Variants in KIF13A observed in about 807,000 individuals in gnomAD.
KIF13A encodes kinesin-like protein KIF13A.
KIF13A carries 79 observed loss-of-function variants against 212.2 expected under a neutral mutation model. That is an observed-to-expected ratio of 0.37 (90% CI 0.31 to 0.45). KIF13A has a LOEUF of 0.45. KIF13A is among the 20% of genes least tolerant of loss of function. KIF13A has a pLI of 1.00. For synonymous variants in KIF13A, 789 were observed against 808.6 expected (o/e 0.98, Z 0.41); for missense variants, 1,901 against 2,209.0 (o/e 0.86, Z 2.79).
At chr6:17,909,373 T>C (rs986373519) in intron 2 of KIF13A, among the ~76,000 whole-genome samples, 1 of 150,690 alleles carries the variant, frequency 6.6e-6, no homozygotes, top group South Asian at 2.1e-4. Flanking sequence ...CTGTCTCTAC[T>C]TAAAATACAA....
At chr6:17,781,743 C>T (rs769591047) in intron 29 of KIF13A, among the ~76,000 whole-genome samples, 3 of 151,362 alleles carry the variant, frequency 2.0e-5, no homozygotes, top group Non-Finnish European at 2.9e-5. Flanking sequence ...CCTCCCACCT[C>T]AGCCTCCTGA....
chr6:17,979,431 T>G (rs1780864363), intron 2 of KIF13A, among the ~76,000 whole-genome samples: 1 of 152,204 alleles, frequency 6.6e-6, no homozygotes, highest in Admixed American at 6.5e-5. Flanking sequence ...CTTTTATTGT[T>G]GGAAGTTCAA....
chr6:17,763,489 AAAAAAAG>A (rs1561941179), downstream of KIF13A, among the ~76,000 whole-genome samples: 4 of 145,572 alleles, frequency 2.7e-5, no homozygotes, highest in African/African-American at 1.1e-4. Flanking sequence ...AAAAAAAAAA[AAAAAAAG>A]AAAAAAGAAA....
chr6:17,962,199 T>A (rs1778874927), intron 2 of KIF13A, among the ~76,000 whole-genome samples: 1 of 151,960 alleles, frequency 6.6e-6, no homozygotes, highest in Non-Finnish European at 1.5e-5. Context: ...TAATCCCAGC[T>A]ACTTGGGAGG....
At chr6:17,878,655 TTAAAA>T (rs1465137272) in intron 3 of KIF13A, among the ~76,000 whole-genome samples, 4 of 151,302 alleles carry the variant, frequency 2.6e-5, no homozygotes, top group Admixed American at 2.6e-4. Context: ...GTAATGCTAC[TTAAAA>T]TAAAAGAGAT....
intron 9 of KIF13A, among the ~76,000 whole-genome samples, chr6:17,846,468 A>C (rs16879989): frequency 0.048 from 7,317 of 152,154 alleles, 606 homozygotes; most frequent in African/African-American, 0.17. Context: ...TGAAAGAGAC[A>C]GTATGTAAAT....
In KIF13A at chr6:17,960,911, A is replaced by C. The variant is rs1465988618; in HGVS notation, c.146+26143T>G. On this transcript the variant is annotated intron_variant, in intron 2 of 38. Transcript: ENST00000259711. ...CATTCTTTCATTGTTTTTGAGCACG[A>C]ATTGAGTACCGAACACTGCACTAGA... 2.0e-5 allele frequency among the ~76,000 whole-genome samples: 3 copies of C among 152,216 alleles called. 1 individual carries two copies. Among genetic ancestry groups the C allele is most frequent in the Admixed American group, 2.0e-4 (3 of 15,274 alleles).
chr6:17,935,515 T>C lies in KIF13A; in HGVS notation c.147-37335A>G, dbSNP rs1026057425. Among the ~76,000 whole-genome samples, 14 of 152,294 alleles carry C rather than the reference T, an allele frequency of 9.2e-5. No individual in the cohort carries two copies. The Middle Eastern group carries it at 0.014, about 148-fold the overall frequency. ...GGGCTGGGGCTGTGCAAACTATTTT[T>C]CTACAAGCAACCAAGTGACTCTAAC... On this transcript the variant is annotated intron_variant, in intron 2 of 38. Transcript: ENST00000259711.
At position 17,772,117 on chromosome 6, in the gene KIF13A, G is replaced by A. The variant is rs1306376808; in HGVS notation, c.4325-58C>T. On this transcript the variant is annotated intron_variant, in intron 36 of 38. Transcript: ENST00000259711. This position sits in a 1 kb window ranked among gnomAD's most constrained non-coding sequence, Gnocchi z 4.8. ...TGCTGAACACTTTAAGCAAAACATA[G>A]GAACTGAGACAATGACCCAGCCATG... 30 of 1,501,432 alleles carry A rather than the reference G, an allele frequency of 2.0e-5. No homozygotes were observed. The highest frequency in any genetic ancestry group is 2.6e-5 in the Non-Finnish European group (28 of 1,086,276). The allele number at this position is 1,501,432 out of a possible 1,614,324, so 93.0% of individuals were successfully genotyped here. A position where few individuals can be genotyped will look rare whatever the true frequency, so the allele number is the denominator to read the frequency against.
Position 17,771,782 on chromosome 6 carries a change from C to A in KIF13A, c.4476+126G>T. The A allele has an allele frequency of 1.3e-6, 1 of 797,728 alleles. No individual in the cohort carries two copies. The highest frequency in any genetic ancestry group is 2.5e-5 in the East Asian group (1 of 40,564). The allele number at this position is 797,728 out of a possible 1,614,324, so 49.4% of individuals were successfully genotyped here. A position where few individuals can be genotyped will look rare whatever the true frequency, so the allele number is the denominator to read the frequency against. Reference sequence around the variant, plus strand: ...TGCTTGAGAAAGAGGAATTCGAGAACGGGAACCATGGAGTGATGACCGTGC... The same window carrying A: ...TGCTTGAGAAAGAGGAATTCGAGAAAGGGAACCATGGAGTGATGACCGTGC... On this transcript the variant is annotated intron_variant, in intron 37 of 38. Transcript: ENST00000259711. This position sits in a 1 kb window ranked among gnomAD's most constrained non-coding sequence, Gnocchi z 5.4.
chr6:17,791,185 A>G (rs1035513996), intron 25 of KIF13A, among the ~76,000 whole-genome samples: 3 of 151,898 alleles, frequency 2.0e-5, no homozygotes, highest in African/African-American at 7.3e-5. Context: ...CTAATCCTGA[A>G]GTAATTTATC....
Position 17,783,438 on chromosome 6 carries a change from G to A in KIF13A, c.3544+208C>T, listed in dbSNP as rs943582257. Among the ~76,000 whole-genome samples the A allele has an allele frequency of 6.6e-6, 1 of 152,080 alleles. No homozygotes were observed. The highest frequency in any genetic ancestry group is 2.4e-5 in the African/African-American group (1 of 41,410). On this transcript the variant is annotated intron_variant, in intron 29 of 38. Transcript: ENST00000259711. This position sits in a 1 kb window ranked among gnomAD's most constrained non-coding sequence, Gnocchi z 4.3. ...TTTCAGAGCAACTGTGCTAATGCTCGTGCATGCAGTTCTCAATCACCCTAT... is the reference window on the plus strand; with the variant it reads ...TTTCAGAGCAACTGTGCTAATGCTCATGCATGCAGTTCTCAATCACCCTAT...
At chr6:17,836,655 A>G (rs534845515) in intron 11 of KIF13A, among the ~76,000 whole-genome samples, 9 of 152,198 alleles carry the variant, frequency 5.9e-5, no homozygotes, top group Non-Finnish European at 1.3e-4. Context: ...ATGAGAACTC[A>G]CTATCACGAG....
intron 2 of KIF13A, among the ~76,000 whole-genome samples, chr6:17,952,820 C>G (rs1777987554): frequency 6.6e-6 from 1 of 151,870 alleles, no homozygotes; most frequent in Non-Finnish European, 1.5e-5. Flanking sequence ...GCCCCAGCTA[C>G]TCAGGAGGCT....
At chr6:17,939,184 TAAC>T (rs1162041999) in intron 2 of KIF13A, among the ~76,000 whole-genome samples, 2 of 152,196 alleles carry the variant, frequency 1.3e-5, no homozygotes, top group Non-Finnish European at 2.9e-5. Context: ...TGCTACATAT[TAAC>T]AACACTAAAA....
rs59680576 is a variant in KIF13A, at chr6:17,912,427, C to T, written c.147-14247G>A. ...AACAGCATCAGCCTGCCTGACCTTC[C>T]GTAGGACGCAGGTTTGAATCAGACA... On this transcript the variant is annotated intron_variant, in intron 2 of 38. Coordinates refer to ENST00000259711, the MANE Select transcript of KIF13A (RefSeq NM_022113.6). This position sits in a 1 kb window ranked among gnomAD's most constrained non-coding sequence, Gnocchi z 4.2. Among the ~76,000 whole-genome samples, 1,540 of 152,276 alleles carry T rather than the reference C, an allele frequency of 0.01. 29 individuals carry two copies. The highest frequency in any genetic ancestry group is 0.035 in the African/African-American group (1,469 of 41,542).
intron 2 of KIF13A, among the ~76,000 whole-genome samples, chr6:17,973,662 T>C (rs1780019134): frequency 6.6e-6 from 1 of 151,880 alleles, no homozygotes; most frequent in Non-Finnish European, 1.5e-5. Flanking sequence ...CAGCCCTCAA[T>C]TTTACAGATG....
At chr6:17,980,110 T>C (rs1780927783) in intron 2 of KIF13A, among the ~76,000 whole-genome samples, 1 of 151,830 alleles carries the variant, frequency 6.6e-6, no homozygotes, top group African/African-American at 2.4e-5. Context: ...TTAACAAAAA[T>C]AGGGAAAAAA....
At position 17,951,496 on chromosome 6, in the gene KIF13A, A is replaced by G; in HGVS notation, c.146+35558T>C. On this transcript the variant is annotated intron_variant, in intron 2 of 38. Transcript: ENST00000259711. This position sits in a 1 kb window ranked among gnomAD's most constrained non-coding sequence, Gnocchi z 4.9. ...TTATATACCATACAATTTACCCACT[A>G]AAAGTGTCCAATTCAGTGATTTTTA... is the stretch of plus-strand genomic sequence containing the variant. 2.2e-6 allele frequency: 1 copy of G among 450,054 alleles called. No homozygotes were observed. Among genetic ancestry groups the G allele is most frequent in the Non-Finnish European group, 4.0e-6 (1 of 252,090 alleles). 27.9% of individuals were successfully genotyped at this position (450,054 alleles called of 1,614,324 possible). A position where few individuals can be genotyped will look rare whatever the true frequency, so the allele number is the denominator to read the frequency against.
Sources: gnomAD v4.1 joint callset for allele counts (sites outside exome capture counted in the v4.1 genomes callset) on GRCh38, gnomAD v4.1.1 for gene constraint, Gnocchi (gnomAD v3.1) non-coding constraint, MANE v1.5 for transcripts, NCBI Gene and HGNC (gene_info 2026-07-23, HGNC 2026-07-21) for gene names.